Variants in MKLN1 observed in about 807,000 individuals in gnomAD.
MKLN1 encodes the protein muskelin 1.
In MKLN1, 18 loss-of-function variants were observed where a neutral mutation model predicts 99.0. The observed-to-expected ratio is 0.18, with a 90% CI of 0.13 to 0.27. MKLN1 has a LOEUF of 0.27. MKLN1 is among the 10% of genes least tolerant of loss of function. The pLI is 1.00. For missense variants in MKLN1, 621 were observed against 875.9 expected, an observed-to-expected ratio of 0.71 and a Z score of 3.67; for synonymous variants, 288 against 293.2, an observed-to-expected ratio of 0.98 and a Z score of 0.18.
chr7:131,189,545 A>C (rs953757805), intron 2 of MKLN1, among the ~76,000 whole-genome samples: 6 of 68,002 alleles, frequency 8.8e-5, no homozygotes, highest in South Asian at 6.0e-4. Flanking sequence ...CAAAAAAAAA[A>C]ACACAAAACT....
intron 3 of MKLN1, among the ~76,000 whole-genome samples, chr7:131,221,164 T>C (rs116364520): frequency 2.6e-5 from 4 of 152,320 alleles, no homozygotes; most frequent in African/African-American, 9.6e-5. Flanking sequence ...GTATGCGTGA[T>C]GGACAGGTTG....
At chr7:131,113,288 G>A (rs1257198003) in intron 1 of MKLN1, among the ~76,000 whole-genome samples, 1 of 152,182 alleles carries the variant, frequency 6.6e-6, no homozygotes, top group Non-Finnish European at 1.5e-5. Flanking sequence ...AAAGTACTAT[G>A]TGTAAAGACC....
In MKLN1 at chr7:131,183,234, C is replaced by T. The variant is rs1261990318; in HGVS notation, c.-296-19623C>T. On this transcript the variant is annotated intron_variant, in intron 2 of 7. Coordinates refer to the MKLN1 transcript ENST00000416992. ...CAGATCTTGGTTCACAAAATACTTT[C>T]ACAGACATTATCTTATTTGATCCTC... is the stretch of plus-strand genomic sequence containing the variant. Among the ~76,000 whole-genome samples the T allele has an allele frequency of 3.3e-5, 5 of 152,300 alleles. No homozygotes were observed. The East Asian group carries it at 9.6e-4, about 29-fold the overall frequency.
intron 1 of MKLN1, among the ~76,000 whole-genome samples, chr7:131,367,146 T>C (rs1584658035): frequency 6.6e-6 from 1 of 152,318 alleles, no homozygotes; most frequent in East Asian, 1.9e-4. Flanking sequence ...CTTGCTTTTG[T>C]TTTGTAGTCT....
chr7:131,165,057 G>GA (rs984335321), intron 2 of MKLN1, among the ~76,000 whole-genome samples: 6 of 151,806 alleles, frequency 4.0e-5, no homozygotes, highest in African/African-American at 9.7e-5. Context: ...GGGCACAGAA[G>GA]AAAAAAAACA....
At chr7:131,355,664 G>A (rs1449939086) in intron 1 of MKLN1, among the ~76,000 whole-genome samples, 1 of 133,454 alleles carries the variant, frequency 7.5e-6, no homozygotes, top group East Asian at 2.3e-4. Flanking sequence ...TAAGTTCTGG[G>A]GTTTTTTGTT....
chr7:131,121,426 A>G (rs1232377498), intron 1 of MKLN1, among the ~76,000 whole-genome samples: 1 of 151,972 alleles, frequency 6.6e-6, no homozygotes, highest in Non-Finnish European at 1.5e-5. Flanking sequence ...TTTCTTTAAA[A>G]ATTACCCAGC....
intron 1 of MKLN1, among the ~76,000 whole-genome samples, chr7:131,132,933 AAAAAAAAAAAAAAAAAAGAAAG>A (rs1277332667): frequency 1.3e-5 from 1 of 77,260 alleles, no homozygotes; most frequent in Non-Finnish European, 2.6e-5. Flanking sequence ...CTCAAAAAAA[AAAAAAAAAAAAAAAAAAGAAAG>A]AAAGAAAGAA....
At position 131,265,124 on chromosome 7, in the gene MKLN1, G is replaced by A. The variant is rs546477656; in HGVS notation, c.-179+62150G>A. Among the ~76,000 whole-genome samples the A allele has an allele frequency of 3.7e-4, 57 of 152,256 alleles. No homozygotes were observed. The Middle Eastern group carries it at 0.024, about 64-fold the overall frequency. ...CAAAGTGCTGGGATTACAGGCGTGAGCCACCGCGCCTGTCCTGTTCTGTAA... is the reference window on the plus strand; with the variant it reads ...CAAAGTGCTGGGATTACAGGCGTGAACCACCGCGCCTGTCCTGTTCTGTAA... On this transcript the variant is annotated intron_variant, in intron 3 of 7. Transcript: ENST00000416992.
At chr7:131,455,894 A>G (rs916506859) in intron 12 of MKLN1, among the ~76,000 whole-genome samples, 1 of 152,124 alleles carries the variant, frequency 6.6e-6, no homozygotes, top group Non-Finnish European at 1.5e-5. Context: ...AAAAATAAAA[A>G]AGTTAGCCTG....
chr7:131,469,325 G>A (rs1396832561), intron 15 of MKLN1, among the ~76,000 whole-genome samples: 1 of 152,092 alleles, frequency 6.6e-6, no homozygotes, highest in African/African-American at 2.4e-5. Context: ...ATGTCCTTAT[G>A]TGTCTCACAT....
At chr7:131,454,390 C>A (rs1024398196) in intron 12 of MKLN1, among the ~76,000 whole-genome samples, 2 of 152,080 alleles carry the variant, frequency 1.3e-5, no homozygotes, top group Non-Finnish European at 1.5e-5. Flanking sequence ...AAGCTAGTTG[C>A]AAATTTACAA....
At chr7:131,175,214 T>G (rs954962880) in intron 2 of MKLN1, among the ~76,000 whole-genome samples, 1 of 144,750 alleles carries the variant, frequency 6.9e-6, no homozygotes, top group African/African-American at 2.6e-5. Flanking sequence ...ATAGAATGGA[T>G]GGATAGAGAG....
intron 2 of MKLN1, among the ~76,000 whole-genome samples, chr7:131,143,336 A>G (rs1308848688): frequency 2.0e-5 from 3 of 152,172 alleles, no homozygotes; most frequent in Non-Finnish European, 4.4e-5. Flanking sequence ...GCATGGTGGC[A>G]GGTGCCTGTA....
At chr7:131,146,089 A>C (rs545752517) in intron 2 of MKLN1, among the ~76,000 whole-genome samples, 32 of 152,258 alleles carry the variant, frequency 2.1e-4, no homozygotes, top group Non-Finnish European at 4.0e-4. Flanking sequence ...GCTTAGAGGG[A>C]TTAAGCAATT....
In MKLN1 at chr7:131,194,584, C is replaced by T. The variant is rs560956705; in HGVS notation, c.-296-8273C>T. Reference sequence around the variant, plus strand: ...TCCATACTTACGGCCAGAGAATAACCTTTGGCCAGACCCAGTTACTCTAGT... The same window carrying T: ...TCCATACTTACGGCCAGAGAATAACTTTTGGCCAGACCCAGTTACTCTAGT... On this transcript the variant is annotated intron_variant, in intron 2 of 7. Coordinates refer to the MKLN1 transcript ENST00000416992. Among the ~76,000 whole-genome samples the T allele has an allele frequency of 4.2e-3, 633 of 152,264 alleles. 7 individuals are homozygous for T. The highest frequency in any genetic ancestry group is 0.014 in the African/African-American group (601 of 41,552).
intron 1 of MKLN1, among the ~76,000 whole-genome samples, chr7:131,120,221 C>G (rs548581305): frequency 6.8e-6 from 1 of 146,768 alleles, no homozygotes; most frequent in African/African-American, 2.5e-5. Flanking sequence ...GAATGCTTTG[C>G]AGCTTAGAAA....
At chr7:131,162,702 G>T (rs983720429) in intron 2 of MKLN1, among the ~76,000 whole-genome samples, 1 of 152,054 alleles carries the variant, frequency 6.6e-6, no homozygotes, top group Admixed American at 6.6e-5. Flanking sequence ...AATACTTGTG[G>T]TCCCAAGCAT....
At chr7:131,153,364 A>G (rs1037074097) in intron 2 of MKLN1, among the ~76,000 whole-genome samples, 7 of 152,124 alleles carry the variant, frequency 4.6e-5, no homozygotes, top group African/African-American at 1.7e-4. Context: ...CTGTGATAGC[A>G]TCTTCAAATT....
Sources: allele counts gnomAD v4.1 joint callset (sites outside exome capture counted in the v4.1 genomes callset), GRCh38; gene constraint gnomAD v4.1.1; transcripts MANE v1.5; gene names NCBI Gene and HGNC (gene_info 2026-07-23, HGNC 2026-07-21).